CAPN13: variants seen among roughly 807,000 people sequenced by gnomAD.
The protein encoded by CAPN13 is calpain 13.
A neutral mutation model predicts 98.4 loss-of-function variants in CAPN13; 90 were observed. That is an observed-to-expected ratio of 0.92 (90% CI 0.77 to 1.09). CAPN13 has a LOEUF of 1.09. Among genes scored for constraint, CAPN13 ranks in the 50% least tolerant of loss-of-function variants. CAPN13 has a pLI of 0.00. For synonymous variants in CAPN13, 330 were observed against 305.5 expected, an observed-to-expected ratio of 1.08 and a Z score of -0.84; for missense variants, 887 against 841.3, an observed-to-expected ratio of 1.05 and a Z score of -0.67.
intron 4 of CAPN13, among the ~76,000 whole-genome samples, chr2:30,775,095 A>G (rs952758699): frequency 3.3e-5 from 5 of 152,218 alleles, no homozygotes; most frequent in Admixed American, 6.5e-5. Context: ...ATATTATTAG[A>G]TAACTAAACC....
At chr2:30,788,942 AG>A (rs1341450885) in intron 1 of CAPN13, among the ~76,000 whole-genome samples, 1 of 152,236 alleles carries the variant, frequency 6.6e-6, no homozygotes, top group East Asian at 1.9e-4. Context: ...CCATTTTTGT[AG>A]GTCAAAAATG....
intron 1 of CAPN13, among the ~76,000 whole-genome samples, chr2:30,792,444 A>C (rs760307121): frequency 9.2e-5 from 14 of 152,108 alleles, no homozygotes; most frequent in Non-Finnish European, 1.9e-4. Context: ...AATGCCAACA[A>C]ATCTGCTAAG....
chr2:30,789,235 C>A (rs1018881236), intron 1 of CAPN13, among the ~76,000 whole-genome samples: 1 of 152,172 alleles, frequency 6.6e-6, no homozygotes, highest in Non-Finnish European at 1.5e-5. Context: ...GGCGATGGCA[C>A]TCGATAATGA....
intron 2 of CAPN13, among the ~76,000 whole-genome samples, chr2:30,782,965 T>C (rs749802062): frequency 1.6e-4 from 24 of 152,206 alleles, no homozygotes; most frequent in Non-Finnish European, 2.8e-4. Context: ...AAGTGCTCAA[T>C]AGCCACACGG....
In CAPN13 at chr2:30,723,165, C is replaced by G. The variant is rs1002004240; in HGVS notation, c.*102G>C. The G allele has an allele frequency of 2.0e-5, 3 of 152,266 alleles. No homozygotes were observed. Among genetic ancestry groups the G allele is most frequent in the Admixed American group, 6.5e-5 (1 of 15,282 alleles). The allele number at this position is 152,266 out of a possible 1,614,324, so 9.4% of individuals were successfully genotyped here. A position where few individuals can be genotyped will look rare whatever the true frequency, so the allele number is the denominator to read the frequency against. ...ATGCAGGGCTGGTTTAGATTTATCA[C>G]AACCACCATACTGGGCAGCACAGCC... On this transcript the variant is annotated 3_prime_UTR_variant, in exon 23 of 23. Coordinates refer to ENST00000295055, the MANE Select transcript of CAPN13 (RefSeq NM_144575.3).
intron 1 of CAPN13, among the ~76,000 whole-genome samples, chr2:30,787,928 G>A (rs185308739): frequency 7.1e-4 from 108 of 152,238 alleles, no homozygotes; most frequent in African/African-American, 2.5e-3. Flanking sequence ...GCAATCTGGG[G>A]ACCAGAGAGA....
chr2:30,800,515 C>T (rs752940470), intron 1 of CAPN13, among the ~76,000 whole-genome samples: 1 of 152,164 alleles, frequency 6.6e-6, no homozygotes, highest in Non-Finnish European at 1.5e-5. Flanking sequence ...CTGTGAAGCT[C>T]CACTAAACTC....
chr2:30,741,109 G>T (rs1671629313), intron 15 of CAPN13, among the ~76,000 whole-genome samples: 2 of 152,172 alleles, frequency 1.3e-5, no homozygotes, highest in South Asian at 4.1e-4. Context: ...TGGTGGACCT[G>T]GATCCTGGGC....
chr2:30,786,986 C>A, intron 2 of CAPN13, 142 bp downstream of exon 2: 1 of 670,212 alleles, frequency 1.5e-6, no homozygotes, highest in Non-Finnish European at 2.5e-6. Flanking sequence ...TGCTGAGTAG[C>A]TACAACACTG....
Position 30,795,317 on chromosome 2 carries a change from A to C in CAPN13, c.-32-7960T>G, listed in dbSNP as rs1008679134. Among the ~76,000 whole-genome samples the C allele has an allele frequency of 2.0e-5, 3 of 152,102 alleles. No individual in the cohort carries two copies. The East Asian group carries it at 5.8e-4, about 29-fold the overall frequency. Reference sequence around the variant, plus strand: ...ATTTTTGGGTTTAGGAAACGCACATACTCAACGTCACTAAGTATGCCAAAT... The same window carrying C: ...ATTTTTGGGTTTAGGAAACGCACATCCTCAACGTCACTAAGTATGCCAAAT... On this transcript the variant is annotated intron_variant, in intron 1 of 22. Coordinates refer to ENST00000295055, the MANE Select transcript of CAPN13 (RefSeq NM_144575.3).
At chr2:30,764,717 T>C (rs1673026669) in intron 5 of CAPN13, among the ~76,000 whole-genome samples, 1 of 152,150 alleles carries the variant, frequency 6.6e-6, no homozygotes, top group African/African-American at 2.4e-5. Flanking sequence ...TGGATATTAT[T>C]ATGTTGAGTA....
chr2:30,802,487 G>A (rs1222355406), intron 1 of CAPN13, among the ~76,000 whole-genome samples: 2 of 144,566 alleles, frequency 1.4e-5, no homozygotes, highest in Non-Finnish European at 3.0e-5. Context: ...GTGTGTGTGT[G>A]TAAATGTGAA....
intron 19 of CAPN13, 140 bp from the exon 20 acceptor site, chr2:30,732,706 C>T: frequency 8.8e-7 from 1 of 1,142,032 alleles, no homozygotes; most frequent in Non-Finnish European, 1.2e-6. Context: ...CCTTCAGTGT[C>T]TTCTCTTTCC....
intron 5 of CAPN13, among the ~76,000 whole-genome samples, chr2:30,764,644 A>G (rs1054780612): frequency 3.3e-5 from 5 of 152,050 alleles, no homozygotes; most frequent in African/African-American, 1.2e-4. Context: ...TGGGCACATT[A>G]ATGAGCTTCA....
intron 22 of CAPN13, among the ~76,000 whole-genome samples, chr2:30,730,343 G>C (rs1671021157): frequency 6.6e-6 from 1 of 152,222 alleles, no homozygotes; most frequent in Non-Finnish European, 1.5e-5. Context: ...GCTGGGGCTA[G>C]AGCCCGCTCT....
At chr2:30,806,431 A>G (rs538404646) in intron 1 of CAPN13, among the ~76,000 whole-genome samples, 26 of 151,842 alleles carry the variant, frequency 1.7e-4, no homozygotes, top group African/African-American at 6.3e-4. Context: ...AACAACAAAA[A>G]CCCACAATAC....
intron 1 of CAPN13, among the ~76,000 whole-genome samples, chr2:30,790,767 C>T (rs995830651): frequency 1.3e-5 from 2 of 152,222 alleles, no homozygotes; most frequent in Admixed American, 6.5e-5. Flanking sequence ...CTCCCACATG[C>T]TTAGCGTTCC....
At chr2:30,796,611 T>C (rs549107987) in intron 1 of CAPN13, among the ~76,000 whole-genome samples, 2 of 152,250 alleles carry the variant, frequency 1.3e-5, no homozygotes, top group South Asian at 4.1e-4. Flanking sequence ...ACCAAGCAGA[T>C]AGCAGAATCA....
chr2:30,773,816 CAT>C (rs1673534770), intron 4 of CAPN13, among the ~76,000 whole-genome samples: 1 of 152,156 alleles, frequency 6.6e-6, no homozygotes. Flanking sequence ...AGATGAAAGA[CAT>C]AATGACAGAT....
Sources: gnomAD v4.1 joint callset for allele counts (sites outside exome capture counted in the v4.1 genomes callset) on GRCh38, gnomAD v4.1.1 for gene constraint, MANE v1.5 for transcripts, NCBI Gene and HGNC (gene_info 2026-07-23, HGNC 2026-07-21) for gene names.